Variants in AP5S1 observed in about 807,000 individuals in gnomAD.
AP5S1 encodes the protein AP-5 complex subunit sigma-1.
AP5S1 carries 13 observed loss-of-function variants against 13.9 expected under a neutral mutation model. The observed-to-expected ratio is 0.94, with a 90% confidence interval of 0.61 to 1.49. The LOEUF (loss-of-function observed/expected upper bound fraction) is 1.49. Among genes scored for constraint, AP5S1 ranks in the 40% most tolerant of loss-of-function variants. AP5S1 has a pLI of 0.00. For missense variants in AP5S1, 292 were observed against 272.3 expected, an observed-to-expected ratio of 1.07 and a Z score of -0.51; for synonymous variants, 132 against 121.8, an observed-to-expected ratio of 1.08 and a Z score of -0.55.
At position 3,824,141 on chromosome 20, in the gene AP5S1, C is replaced by A; in HGVS notation, c.447C>A (p.His149Gln). The A allele has an allele frequency of 6.2e-7, 1 of 1,614,002 alleles. No individual in the cohort carries two copies. Among genetic ancestry groups the A allele is most frequent in the Non-Finnish European group, 8.5e-7 (1 of 1,180,030 alleles). Residue 149 changes from histidine (H) to glutamine (Q), a missense_variant, in exon 3 of 3, where the codon CAC becomes CAA. Coordinates refer to ENST00000615891, the MANE Select transcript of AP5S1 (RefSeq NM_018347.3). Reference protein sequence around the residue: ...LRLLTRLLLDHLRLLAPSTSL... With the variant: ...LRLLTRLLLDQLRLLAPSTSL... ...TGCTGACACGCCTCCTCCTTGACCA[C>A]CTCCGGCTGCTGGCGCCCAGCACCA...
Position 3,826,308 on chromosome 20 carries a change from T to C in AP5S1, c.*2011T>C, listed in dbSNP as rs1248672429. The C allele has an allele frequency of 6.6e-6, 1 of 152,214 alleles. No homozygotes were observed. The highest frequency in any genetic ancestry group is 2.4e-5 in the African/African-American group (1 of 41,456). 9.4% of individuals were successfully genotyped at this position (152,214 alleles called of 1,614,324 possible). On this transcript the variant is annotated 3_prime_UTR_variant, in exon 3 of 3. Transcript: ENST00000615891. ...ACCTAAAGGGATGTTACTCTGTGTG[T>C]GTGGCCAAGTCCCACCAGTGGAAAT...
At chr20:3,823,043 C>A (rs545809800) in intron 2 of AP5S1, among the ~76,000 whole-genome samples, 1 of 152,286 alleles carries the variant, frequency 6.6e-6, no homozygotes, top group Admixed American at 6.5e-5. Context: ...TCCTTCCCCT[C>A]CCTGTAGCTC....
rs945332543 is a variant in AP5S1 at position 3,822,216 on chromosome 20, G to A, written c.99G>A (p.Lys33=). The change falls in exon 2 of 3, where the codon AAG becomes AAA. Residue 33 remains lysine (K), a synonymous_variant. Coordinates refer to ENST00000615891, the MANE Select transcript of AP5S1 (RefSeq NM_018347.3). ...VLYSCVFGAE[K]SPDDPRPHGA... is the part of the protein sequence containing the mutation. ...ACTCCTGCGTCTTCGGTGCTGAGAA[G>A]TCACCTGATGACCCACGGCCGCATG... The A allele has an allele frequency of 6.2e-7, 1 of 1,614,190 alleles. No individual in the cohort carries two copies. Among genetic ancestry groups the A allele is most frequent in the Non-Finnish European group, 8.5e-7 (1 of 1,180,034 alleles).
intron 2 of AP5S1, 121 bp from the exon 3 acceptor site, chr20:3,823,750 T>C (rs1050294374): frequency 4.6e-5 from 69 of 1,510,378 alleles, no homozygotes; most frequent in Non-Finnish European, 6.0e-5. Context: ...TTAGTCTCTC[T>C]AGGCCTCAGT....
chr20:3,821,714 G>A (rs1298268145), intron 1 of AP5S1, among the ~76,000 whole-genome samples: 1 of 152,000 alleles, frequency 6.6e-6, no homozygotes, highest in African/African-American at 2.4e-5. Context: ...AGTACACGTC[G>A]CATTCAGCTA....
rs2089605865 is a variant in AP5S1 at position 3,824,062 on chromosome 20, C to T, written c.368C>T (p.Ala123Val). 5.6e-6 allele frequency: 9 copies of T among 1,613,852 alleles called. No individual in the cohort carries two copies. Among genetic ancestry groups the T allele is most frequent in the South Asian group, 1.1e-5 (1 of 91,064 alleles). Residue 123 changes from alanine to valine, a missense_variant, in exon 3 of 3, where the codon GCC becomes GTC. Transcript: ENST00000615891. ...CTGGGCGTGCTCTCGTTAGGCTTTGCCCTGGTGCTGGATGCCCATGAGAAC... is the reference window on the plus strand; with the variant it reads ...CTGGGCGTGCTCTCGTTAGGCTTTGTCCTGGTGCTGGATGCCCATGAGAAC... ...VWLGVLSLGF[A>V]LVLDAHENLL...
At chr20:3,821,877 TC>T (rs1337407558) in intron 1 of AP5S1, 50 of 950,280 alleles carry the variant, frequency 5.3e-5, no homozygotes, top group Non-Finnish European at 5.7e-5. Context: ...TTTTCTTTTT[TC>T]TTTTTTTTTT....
chr20:3,822,224 ATGACCCACGG>A lies in AP5S1; in HGVS notation c.108_117del (p.Asp37ArgfsTer16). ...GTCTTCGGTGCTGAGAAGTCACCTG[ATGACCCACGG>A]CCGCATGGTGCCGAGAGGGACAGGC... is the stretch of plus-strand genomic sequence containing the variant. On this transcript the variant is annotated frameshift_variant, in exon 2 of 3. Coordinates refer to ENST00000615891, the MANE Select transcript of AP5S1 (RefSeq NM_018347.3). LOFTEE classifies it high-confidence loss of function. The A allele has an allele frequency of 6.2e-7, 1 of 1,614,150 alleles. No homozygotes were observed. Among genetic ancestry groups the A allele is most frequent in the Non-Finnish European group, 8.5e-7 (1 of 1,180,014 alleles).
At chr20:3,821,972 T>C in intron 1 of AP5S1, 130 bp from the exon 2 acceptor site, 1 of 1,388,210 alleles carries the variant, frequency 7.2e-7, no homozygotes, top group African/African-American at 1.4e-5. Flanking sequence ...TCAGATGCTG[T>C]TATTCAAAGT....
In AP5S1 at chr20:3,826,498, G is replaced by GAATT. The variant is rs1268859697; in HGVS notation, c.*2201_*2202insAATT. ...AAGCTTACTGATCTGAATTCTTTCT[G>GAATT]CCTTTTTTTCAAACGGAACTTAAGG... On this transcript the variant is annotated 3_prime_UTR_variant, in exon 3 of 3. Transcript: ENST00000615891. 6.6e-6 allele frequency: 1 copy of GAATT among 152,192 alleles called. No individual in the cohort carries two copies. The highest frequency in any genetic ancestry group is 2.4e-5 in the African/African-American group (1 of 41,444). The allele number at this position is 152,192 out of a possible 1,614,324, so 9.4% of individuals were successfully genotyped here.
At chr20:3,823,210 G>A (rs2089596974) in intron 2 of AP5S1, among the ~76,000 whole-genome samples, 2 of 152,050 alleles carry the variant, frequency 1.3e-5, no homozygotes, top group Non-Finnish European at 2.9e-5. Flanking sequence ...GGTGGAGATT[G>A]GACTGCCCAC....
In AP5S1 at chr20:3,822,102, C is replaced by G. The variant is rs2089587039; in HGVS notation, c.-16C>G. ...ACCAATGTCTCTGGCTTCCCTGTAGCACCCACCCTGGAGCCATGGTCCACG... is the reference window on the plus strand; with the variant it reads ...ACCAATGTCTCTGGCTTCCCTGTAGGACCCACCCTGGAGCCATGGTCCACG... On this transcript the variant is annotated splice_region_variant and 5_prime_UTR_variant, in exon 2 of 3. Coordinates refer to ENST00000615891, the MANE Select transcript of AP5S1 (RefSeq NM_018347.3). The G allele has an allele frequency of 2.5e-6, 4 of 1,611,104 alleles. No individual in the cohort carries two copies. Among genetic ancestry groups the G allele is most frequent in the Non-Finnish European group, 3.4e-6 (4 of 1,178,342 alleles).
At position 3,824,391 on chromosome 20, in the gene AP5S1, G is replaced by C; in HGVS notation, c.*94G>C. On this transcript the variant is annotated 3_prime_UTR_variant, in exon 3 of 3. Transcript: ENST00000615891. ...CTCCCTCCTACCCAGCAGCTCTGATGTGCTGCTATACCAGGACAAGTGGGT... is the reference window on the plus strand; with the variant it reads ...CTCCCTCCTACCCAGCAGCTCTGATCTGCTGCTATACCAGGACAAGTGGGT... The C allele has an allele frequency of 7.7e-7, 1 of 1,295,288 alleles. No homozygotes were observed. Among genetic ancestry groups the C allele is most frequent in the Non-Finnish European group, 1.1e-6 (1 of 934,046 alleles). 80.2% of individuals were successfully genotyped at this position (1,295,288 alleles called of 1,614,324 possible).
intron 2 of AP5S1, among the ~76,000 whole-genome samples, chr20:3,823,288 G>A (rs551494634): frequency 2.6e-5 from 4 of 152,108 alleles, no homozygotes; most frequent in East Asian, 3.9e-4. Flanking sequence ...TTGCTCTGTC[G>A]CCCAGGCTGG....
rs1221939922 is a variant in AP5S1 at position 3,828,543 on chromosome 20, AC to A, written c.*4250del. On this transcript the variant is annotated 3_prime_UTR_variant, in exon 3 of 3. Coordinates refer to ENST00000615891, the MANE Select transcript of AP5S1 (RefSeq NM_018347.3). ...ACCTGTTCATTCTTCCCTCCCCTCA[AC>A]CCCTAGCAACCATTGATCCTTTTAC... is the stretch of plus-strand genomic sequence containing the variant. 5.3e-5 allele frequency: 8 copies of A among 151,848 alleles called. No homozygotes were observed. The highest frequency in any genetic ancestry group is 1.9e-4 in the African/African-American group (8 of 41,278). The allele number at this position is 151,848 out of a possible 1,614,324, so 9.4% of individuals were successfully genotyped here.
At position 3,827,183 on chromosome 20, in the gene AP5S1, A is replaced by G. The variant is rs964320817; in HGVS notation, c.*2886A>G. ...GTGTTACCAGTGTACCTCCACAAACACTCCTGGGACAACAGATGATGACAG... is the reference window on the plus strand; with the variant it reads ...GTGTTACCAGTGTACCTCCACAAACGCTCCTGGGACAACAGATGATGACAG... On this transcript the variant is annotated 3_prime_UTR_variant, in exon 3 of 3. Coordinates refer to ENST00000615891, the MANE Select transcript of AP5S1 (RefSeq NM_018347.3). 2.6e-5 allele frequency: 4 copies of G among 151,924 alleles called. No individual in the cohort carries two copies. Among genetic ancestry groups the G allele is most frequent in the Admixed American group, 2.0e-4 (3 of 15,212 alleles). The allele number at this position is 151,924 out of a possible 1,614,324, so 9.4% of individuals were successfully genotyped here.
chr20:3,821,157 C>G (rs530574654), intron 1 of AP5S1, among the ~76,000 whole-genome samples: 1 of 152,222 alleles, frequency 6.6e-6, no homozygotes, highest in South Asian at 2.1e-4. Flanking sequence ...TTTTTTCTTC[C>G]CTGGACCAAG....
chr20:3,824,282 C>T lies in AP5S1; in HGVS notation c.588C>T (p.Ala196=), dbSNP rs533798881. Reference sequence around the variant, plus strand: ...AAGGCCTGGAGAAGGAATTCAGTGCCGCTTGGCCCCGCTGATTCCTCGTTG... The same window carrying T: ...AAGGCCTGGAGAAGGAATTCAGTGCTGCTTGGCCCCGCTGATTCCTCGTTG... The part of the protein sequence containing the change: ...FVQGLEKEFS[A]AWPR Residue 196 remains alanine, a synonymous_variant, in exon 3 of 3, where the codon GCC becomes GCT. Coordinates refer to ENST00000615891, the MANE Select transcript of AP5S1 (RefSeq NM_018347.3). 192 of 1,612,042 alleles carry T rather than the reference C, an allele frequency of 1.2e-4. 1 individual carries two copies. In the South Asian group the frequency reaches 1.7e-3, roughly 14 times the overall value.
chr20:3,824,070 C>T lies in AP5S1; in HGVS notation c.376C>T (p.Leu126=). Residue 126 remains leucine (L), a synonymous_variant, in exon 3 of 3, where the codon CTG becomes TTG. Transcript: ENST00000615891. The part of the protein sequence containing the change: ...GVLSLGFALV[L]DAHENLLLAE... ...GCTCTCGTTAGGCTTTGCCCTGGTG[C>T]TGGATGCCCATGAGAACCTGCTACT... 1.2e-6 allele frequency: 2 copies of T among 1,613,948 alleles called. No homozygotes were observed. Among genetic ancestry groups the T allele is most frequent in the Non-Finnish European group, 1.7e-6 (2 of 1,180,012 alleles).
Sources: allele counts gnomAD v4.1 joint callset (sites outside exome capture counted in the v4.1 genomes callset), GRCh38; gene constraint gnomAD v4.1.1; transcripts MANE v1.5; gene names NCBI Gene and HGNC (gene_info 2026-07-23, HGNC 2026-07-21).